Variants in TRAK1 observed in about 807,000 individuals in gnomAD.
TRAK1 encodes trafficking kinesin-binding protein 1.
A neutral mutation model predicts 92.1 loss-of-function variants in TRAK1; 33 were observed. The ratio of observed to expected loss-of-function variants is 0.36; its 90% CI spans 0.27 to 0.48. TRAK1 has a LOEUF of 0.48. Ranked by LOEUF, TRAK1 falls within the 20% of genes least tolerant of loss-of-function variation. The pLI, the probability that TRAK1 is intolerant of heterozygous loss-of-function variation, is 0.99. For synonymous variants in TRAK1, 521 were observed against 517.3 expected (o/e 1.01, Z -0.10); for missense variants, 1,123 against 1,257.9 (o/e 0.89, Z 1.62).
upstream of TRAK1, among the ~76,000 whole-genome samples, chr3:42,013,619 G>T (rs914132973): frequency 4.0e-5 from 6 of 149,306 alleles, no homozygotes; most frequent in African/African-American, 1.5e-4. This position sits in a 1 kb window ranked among gnomAD's most constrained non-coding sequence, Gnocchi z 5.1. Context: ...TGACGGCAGC[G>T]CGGAGGGGAG....
intron 5 of TRAK1, 38 bp from the exon 6 acceptor site, chr3:42,188,978 T>C: frequency 4.1e-6 from 6 of 1,476,582 alleles, no homozygotes; most frequent in Non-Finnish European, 5.7e-6. Flanking sequence ...TGGGAGGAAA[T>C]GCGTCTCCCT....
chr3:42,167,944 T>G (rs946907932), intron 2 of TRAK1, among the ~76,000 whole-genome samples: 2 of 152,168 alleles, frequency 1.3e-5, no homozygotes, highest in African/African-American at 4.8e-5. Context: ...AGTAGTTAAT[T>G]CACTAGGACT....
intron 1 of TRAK1, among the ~76,000 whole-genome samples, chr3:42,101,194 AG>A (rs1184967417): frequency 6.6e-6 from 1 of 152,250 alleles, no homozygotes; most frequent in Non-Finnish European, 1.5e-5. Context: ...TCAAGAGGAC[AG>A]ACCCAACCAC....
intron 2 of TRAK1, among the ~76,000 whole-genome samples, chr3:42,137,617 C>A (rs1291453350): frequency 6.6e-6 from 1 of 152,152 alleles, no homozygotes; most frequent in Non-Finnish European, 1.5e-5. Flanking sequence ...GGACCAAGGG[C>A]AGTTTTGTGG....
chr3:42,076,422 C>T (rs772439546), intron 1 of TRAK1, among the ~76,000 whole-genome samples: 1 of 151,560 alleles, frequency 6.6e-6, no homozygotes, highest in Non-Finnish European at 1.5e-5. Flanking sequence ...GATGGGGTTT[C>T]ACCATGTTGG....
intron 2 of TRAK1, chr3:42,160,269 C>T: frequency 6.4e-7 from 1 of 1,558,196 alleles, no homozygotes; most frequent in Non-Finnish European, 8.7e-7. Flanking sequence ...CCCTGGGGGC[C>T]CAGGCCTGCA....
intron 2 of TRAK1, among the ~76,000 whole-genome samples, chr3:42,169,346 A>G (rs1294454616): frequency 6.6e-6 from 1 of 151,920 alleles, no homozygotes; most frequent in East Asian, 1.9e-4. Flanking sequence ...TACTGTGTTT[A>G]TTCATTCACC....
At chr3:42,043,206 TCTCTGCTTGTCACTGTCCC>T (rs902490372) in intron 1 of TRAK1, among the ~76,000 whole-genome samples, 7 of 152,008 alleles carry the variant, frequency 4.6e-5, no homozygotes, top group African/African-American at 1.7e-4. Flanking sequence ...CATGGGTCTG[TCTCTGCTTGTCACTGTCCC>T]CTCTTGCCCT....
At chr3:42,185,997 TTTTG>T (rs572214749) in intron 4 of TRAK1, among the ~76,000 whole-genome samples, 4 of 33,626 alleles carry the variant, frequency 1.2e-4, no homozygotes, top group African/African-American at 2.3e-4. Flanking sequence ...TTTTTTTTTT[TTTTG>T]AGATAAGGTC....
intron 1 of TRAK1, among the ~76,000 whole-genome samples, chr3:42,109,921 G>A (rs2149063491): frequency 6.6e-6 from 1 of 151,432 alleles, no homozygotes; most frequent in East Asian, 1.9e-4. Flanking sequence ...TTGGACACAG[G>A]ATGGGGAACA....
chr3:42,209,751 C>T lies in TRAK1; in HGVS notation c.1745-16C>T. On this transcript the variant is annotated splice_polypyrimidine_tract_variant and intron_variant, in intron 13 of 15. Coordinates refer to ENST00000327628, the MANE Select transcript of TRAK1 (RefSeq NM_001042646.3). ...TTCTCCTTGTCCCCCTTCTTCCCTT[C>T]CCTTTCTCCTGCAAGGTTCCGCCAC... The T allele has an allele frequency of 3.1e-6, 5 of 1,610,876 alleles. No homozygotes were observed. The highest frequency in any genetic ancestry group is 4.2e-6 in the Non-Finnish European group (5 of 1,177,606).
intron 13 of TRAK1, among the ~76,000 whole-genome samples, chr3:42,206,169 G>T (rs1315108279): frequency 6.6e-6 from 1 of 152,200 alleles, no homozygotes; most frequent in Non-Finnish European, 1.5e-5. Flanking sequence ...AGGACTCCAG[G>T]CAGCCAGGGG....
chr3:42,220,192 G>C (rs1015488883), intron 15 of TRAK1, among the ~76,000 whole-genome samples: 4 of 152,134 alleles, frequency 2.6e-5, no homozygotes, highest in African/African-American at 9.7e-5. Context: ...GAACCATGCA[G>C]CACAGCCAAA....
chr3:42,092,533 G>C (rs901739750), intron 1 of TRAK1, among the ~76,000 whole-genome samples: 1 of 152,154 alleles, frequency 6.6e-6, no homozygotes, highest in Non-Finnish European at 1.5e-5. Context: ...GACTGGTCCT[G>C]CCCTCAGAGC....
At chr3:42,115,155 C>CTT (rs1255777252) in intron 1 of TRAK1, among the ~76,000 whole-genome samples, 35 of 152,210 alleles carry the variant, frequency 2.3e-4, no homozygotes, top group Non-Finnish European at 3.7e-4. Flanking sequence ...CTGGGCTGAA[C>CTT]TTATACACGT....
At chr3:42,076,000 A>C (rs1335781232) in intron 1 of TRAK1, among the ~76,000 whole-genome samples, 1 of 150,290 alleles carries the variant, frequency 6.7e-6, no homozygotes, top group Non-Finnish European at 1.5e-5. Context: ...CCCTCACCAC[A>C]CCCAGCTAAT....
At chr3:42,055,709 C>T (rs745513849) in intron 1 of TRAK1, among the ~76,000 whole-genome samples, 16 of 152,178 alleles carry the variant, frequency 1.1e-4, no homozygotes, top group Non-Finnish European at 2.2e-4. Flanking sequence ...AGCGATCCTC[C>T]TTCCTCGCCT....
chr3:42,050,183 G>T (rs1330793226), intron 1 of TRAK1, among the ~76,000 whole-genome samples: 1 of 143,536 alleles, frequency 7.0e-6, no homozygotes, highest in African/African-American at 2.5e-5. Context: ...GGAACTGAGG[G>T]TGGGGGGGTG....
At chr3:42,160,301 C>T (rs565160282) in intron 2 of TRAK1, 113 of 1,594,174 alleles carry the variant, frequency 7.1e-5, no homozygotes, top group Admixed American at 1.5e-4. Flanking sequence ...GGTAGGGGGT[C>T]GGGGGCACCC....
Sources: gnomAD v4.1 joint callset for allele counts (sites outside exome capture counted in the v4.1 genomes callset) on GRCh38, gnomAD v4.1.1 for gene constraint, Gnocchi (gnomAD v3.1) non-coding constraint, MANE v1.5 for transcripts, NCBI Gene and HGNC (gene_info 2026-07-23, HGNC 2026-07-21) for gene names.